Variants in PPP1R7 observed in about 807,000 individuals in gnomAD.
PPP1R7 encodes protein phosphatase 1 regulatory subunit 22.
A neutral mutation model predicts 45.2 loss-of-function variants in PPP1R7; 18 were observed. That is an observed-to-expected ratio of 0.40 (90% CI 0.28 to 0.59). The LOEUF (loss-of-function observed/expected upper bound fraction) is 0.59, where lower values mean the gene tolerates loss of function less well. Ranked by LOEUF, PPP1R7 falls within the 20% of genes least tolerant of loss-of-function variation. The pLI is 0.46. For synonymous variants in PPP1R7, 181 were observed against 183.4 expected, an observed-to-expected ratio of 0.99 and a Z score of 0.11; for missense variants, 314 against 455.8, an observed-to-expected ratio of 0.69 and a Z score of 2.83.
chr2:241,152,080 T>G (rs1309592911), intron 1 of PPP1R7, among the ~76,000 whole-genome samples: 1 of 152,242 alleles, frequency 6.6e-6, no homozygotes, highest in Non-Finnish European at 1.5e-5. Context: ...TTTCTCTCCC[T>G]GAGCCTGGAC....
chr2:241,166,803 C>T (rs913420258), intron 8 of PPP1R7, among the ~76,000 whole-genome samples: 1 of 152,196 alleles, frequency 6.6e-6, no homozygotes, highest in Non-Finnish European at 1.5e-5. Context: ...CCAACCTGCT[C>T]GTAAAGGGCC....
At chr2:241,157,949 C>T in intron 3 of PPP1R7, 87 bp downstream of exon 3, 1 of 1,416,830 alleles carries the variant, frequency 7.1e-7, no homozygotes, top group Non-Finnish European at 9.9e-7. Context: ...AGTTATTTCC[C>T]TAGAGAGGTG....
At chr2:241,180,622 A>G (rs2067986382) in intron 9 of PPP1R7, among the ~76,000 whole-genome samples, 1 of 152,054 alleles carries the variant, frequency 6.6e-6, no homozygotes, top group Non-Finnish European at 1.5e-5. Flanking sequence ...CAGGCCTGGC[A>G]GGTGGATGGC....
intron 1 of PPP1R7, chr2:241,151,686 T>C (rs745600238): frequency 1.8e-5 from 7 of 398,856 alleles, no homozygotes; most frequent in Admixed American, 2.8e-5. Context: ...TTCAGCTGTT[T>C]CCATGTCTTG....
rs1299724640 is a variant in PPP1R7, at chr2:241,153,722, T to G, written c.181+118T>G. The G allele has an allele frequency of 2.2e-6, 3 of 1,335,388 alleles. No homozygotes were observed. In the African/African-American group the frequency reaches 4.4e-5, roughly 19 times the overall value. The allele number at this position is 1,335,388 out of a possible 1,614,324, so 82.7% of individuals were successfully genotyped here. On this transcript the variant is annotated intron_variant, in intron 2 of 9. Transcript: ENST00000234038. ...GTCTGGAGAAGGACTGCCGTGCTCC[T>G]TAGGGGTCCTCAGTGGCCCAGGGCA...
At chr2:241,162,142 C>T (rs187048257) in intron 6 of PPP1R7, among the ~76,000 whole-genome samples, 211 of 152,228 alleles carry the variant, frequency 1.4e-3, no homozygotes, top group South Asian at 3.1e-3. Flanking sequence ...CCCAGATGTC[C>T]GCATTTTACC....
chr2:241,150,394 G>A, upstream of PPP1R7: 2 of 1,315,404 alleles, frequency 1.5e-6, no homozygotes, highest in African/African-American at 1.6e-5. Context: ...GGCTGAAGTC[G>A]CCGCGCCGGA....
Position 241,176,497 on chromosome 2 carries a change from G to A in PPP1R7, c.907-6150G>A, listed in dbSNP as rs572821343. ...TTTGAGATGGAGCTTTGCTCCTGTCGTCCAGGCTAGAGTGTAGTGGCACGA... is the reference window on the plus strand; with the variant it reads ...TTTGAGATGGAGCTTTGCTCCTGTCATCCAGGCTAGAGTGTAGTGGCACGA... On this transcript the variant is annotated intron_variant, in intron 9 of 9. Transcript: ENST00000234038. 3.3e-4 allele frequency among the ~76,000 whole-genome samples: 48 copies of A among 143,306 alleles called. No individual in the cohort carries two copies. The South Asian group carries it at 9.3e-3, about 28-fold the overall frequency. 94.0% of individuals were successfully genotyped at this position (143,306 alleles called of 152,430 possible). A position where few individuals can be genotyped will look rare whatever the true frequency, so the allele number is the denominator to read the frequency against.
intron 8 of PPP1R7, chr2:241,166,897 G>T: frequency 1.5e-6 from 1 of 668,620 alleles, no homozygotes. Flanking sequence ...CCAGCCCACA[G>T]AGAGCACAGG....
chr2:241,175,693 CAA>C (rs2067896643), intron 9 of PPP1R7, among the ~76,000 whole-genome samples: 1 of 152,182 alleles, frequency 6.6e-6, no homozygotes. Flanking sequence ...CTCCTGAGTT[CAA>C]GTGATCCTCC....
intron 8 of PPP1R7, among the ~76,000 whole-genome samples, chr2:241,169,120 CTT>C (rs1419394086): frequency 6.6e-6 from 1 of 152,202 alleles, no homozygotes; most frequent in African/African-American, 2.4e-5. Context: ...AAAACACACT[CTT>C]GTCTCCCAGT....
chr2:241,167,602 G>A (rs559105412), intron 8 of PPP1R7, among the ~76,000 whole-genome samples: 16 of 152,276 alleles, frequency 1.1e-4, no homozygotes, highest in South Asian at 8.3e-4. Flanking sequence ...AGCATCCACC[G>A]GGAGACAGAC....
intron 9 of PPP1R7, among the ~76,000 whole-genome samples, chr2:241,175,531 A>G (rs1460449958): frequency 6.6e-6 from 1 of 152,232 alleles, no homozygotes; most frequent in East Asian, 1.9e-4. Flanking sequence ...AGGGCCAAAT[A>G]ATATTCCGCA....
intron 9 of PPP1R7, among the ~76,000 whole-genome samples, chr2:241,180,688 G>A (rs1236127087): frequency 6.9e-6 from 1 of 144,696 alleles, no homozygotes; most frequent in Non-Finnish European, 1.5e-5. Flanking sequence ...CCAGCGGGGC[G>A]GTGCGAGTGT....
chr2:241,159,178 T>C (rs775372604), intron 4 of PPP1R7, 35 bp from the exon 5 acceptor site: 1 of 1,608,744 alleles, frequency 6.2e-7, no homozygotes, highest in Non-Finnish European at 8.5e-7. Context: ...GCCTCCCCCT[T>C]GCCTGTGTCA....
At chr2:241,156,530 G>T (rs2067461092) in intron 2 of PPP1R7, among the ~76,000 whole-genome samples, 6 of 152,070 alleles carry the variant, frequency 3.9e-5, no homozygotes, top group Admixed American at 6.6e-5. Flanking sequence ...TAAAAAATTA[G>T]CCAGGCATGG....
chr2:241,165,968 T>A (rs1284538862), intron 7 of PPP1R7, among the ~76,000 whole-genome samples: 1 of 150,224 alleles, frequency 6.7e-6, no homozygotes, highest in Non-Finnish European at 1.5e-5. Context: ...AGTGGCATGA[T>A]CTTGGCTCAC....
At chr2:241,167,551 C>T (rs1207144522) in intron 8 of PPP1R7, among the ~76,000 whole-genome samples, 3 of 152,226 alleles carry the variant, frequency 2.0e-5, no homozygotes, top group African/African-American at 4.8e-5. Context: ...TGCCCTCCTG[C>T]ACCCTGGCCT....
chr2:241,171,407 A>T (rs1404179915), intron 9 of PPP1R7, among the ~76,000 whole-genome samples: 1 of 152,202 alleles, frequency 6.6e-6, no homozygotes, highest in Non-Finnish European at 1.5e-5. Context: ...AACCATGTGG[A>T]TAAGGTCATA....
Sources: gnomAD v4.1 joint callset for allele counts (sites outside exome capture counted in the v4.1 genomes callset) on GRCh38, gnomAD v4.1.1 for gene constraint, MANE v1.5 for transcripts, NCBI Gene and HGNC (gene_info 2026-07-23, HGNC 2026-07-21) for gene names.